SLC35F4: variants seen among roughly 807,000 people sequenced by gnomAD.
SLC35F4 encodes chromosome 14 open reading frame 36.
Under a neutral mutation model 44.2 loss-of-function variants are expected in SLC35F4, and 24 were observed. The ratio of observed to expected loss-of-function variants is 0.54; its 90% CI spans 0.39 to 0.76. SLC35F4 has a LOEUF of 0.76. Among genes scored for constraint, SLC35F4 ranks in the 30% least tolerant of loss-of-function variants. The pLI, the probability that SLC35F4 is intolerant of heterozygous loss-of-function variation, is 0.00. For missense variants in SLC35F4, 562 were observed against 586.1 expected, an observed-to-expected ratio of 0.96 and a Z score of 0.42; for synonymous variants, 238 against 223.6, an observed-to-expected ratio of 1.06 and a Z score of -0.57.
intron 1 of SLC35F4, among the ~76,000 whole-genome samples, chr14:57,947,689 A>T (rs1164099241): frequency 6.6e-6 from 1 of 151,956 alleles, no homozygotes; most frequent in Admixed American, 6.6e-5. Flanking sequence ...TATTACCTTG[A>T]TATATGTCCC....
chr14:57,914,741 C>A (rs1889283800), intron 1 of SLC35F4, among the ~76,000 whole-genome samples: 1 of 152,222 alleles, frequency 6.6e-6, no homozygotes, highest in Non-Finnish European at 1.5e-5. Context: ...CCATGTCCCA[C>A]ATCTTGGATA....
chr14:57,751,736 A>T (rs559904580), intron 1 of SLC35F4, among the ~76,000 whole-genome samples: 102 of 152,314 alleles, frequency 6.7e-4, no homozygotes, highest in African/African-American at 2.3e-3. Context: ...TAGTTCTCAA[A>T]AATTATGGTG....
chr14:57,608,542 T>C (rs567370990), intron 1 of SLC35F4, among the ~76,000 whole-genome samples: 3 of 152,238 alleles, frequency 2.0e-5, no homozygotes, highest in Non-Finnish European at 2.9e-5. Context: ...AGCAACCCTG[T>C]GGATACCTTG....
chr14:57,806,231 G>A (rs570072193), intron 1 of SLC35F4, among the ~76,000 whole-genome samples: 4 of 152,194 alleles, frequency 2.6e-5, no homozygotes, highest in Non-Finnish European at 4.4e-5. Context: ...TATTAGCAAC[G>A]ACACAAATGT....
In SLC35F4 at chr14:57,703,248, A is replaced by G. The variant is rs577278441; in HGVS notation, c.104-109124T>C. Among the ~76,000 whole-genome samples the G allele has an allele frequency of 6.6e-5, 10 of 152,276 alleles. No homozygotes were observed. The South Asian group carries it at 2.1e-3, about 32-fold the overall frequency. ...AAGCAGAGTAACTGGCATGTAATAC[A>G]TGCTTGAATGTCTGTTCCCTCCATC... On this transcript the variant is annotated intron_variant, in intron 1 of 7. Coordinates refer to ENST00000556826, the MANE Select transcript of SLC35F4 (RefSeq NM_001306087.2).
At chr14:57,866,957 AAATAAT>A (rs4035380), upstream of SLC35F4, among the ~76,000 whole-genome samples, 5,908 of 136,008 alleles carry the variant, frequency 0.043, 187 homozygotes, top group African/African-American at 0.085. Flanking sequence ...AGCTTCCTGC[AAATAAT>A]AATAATAATA....
At chr14:57,614,954 A>C (rs1425132831) in intron 1 of SLC35F4, among the ~76,000 whole-genome samples, 1 of 152,214 alleles carries the variant, frequency 6.6e-6, no homozygotes, top group African/African-American at 2.4e-5. Context: ...TGGGACCAGA[A>C]ATTCTATGAA....
chr14:57,590,840 C>G (rs1407923250), intron 2 of SLC35F4, among the ~76,000 whole-genome samples: 1 of 152,208 alleles, frequency 6.6e-6, no homozygotes, highest in East Asian at 1.9e-4. Context: ...CACTTTGTGT[C>G]TCCAGAGCCT....
chr14:57,857,813 A>C (rs1482123485), intron 1 of SLC35F4, among the ~76,000 whole-genome samples: 1 of 152,042 alleles, frequency 6.6e-6, no homozygotes, highest in African/African-American at 2.4e-5. Context: ...TCTAAAGATA[A>C]ATAGGAGCTT....
intron 1 of SLC35F4, among the ~76,000 whole-genome samples, chr14:57,709,310 G>C (rs1368697071): frequency 6.6e-6 from 1 of 152,120 alleles, no homozygotes; most frequent in African/African-American, 2.4e-5. Context: ...GAGCCCTCTG[G>C]TGGCACTGTC....
At chr14:57,744,824 T>C (rs1410949896) in intron 1 of SLC35F4, among the ~76,000 whole-genome samples, 2 of 152,206 alleles carry the variant, frequency 1.3e-5, no homozygotes, top group African/African-American at 4.8e-5. Context: ...GGCATCATGC[T>C]ACCTGACTTC....
chr14:57,709,011 G>T (rs2075749127), intron 1 of SLC35F4, among the ~76,000 whole-genome samples: 1 of 152,180 alleles, frequency 6.6e-6, no homozygotes, highest in Admixed American at 6.5e-5. Flanking sequence ...GCAGAGCCAG[G>T]TGTATAGGAT....
At chr14:57,606,292 C>A (rs189958080) in intron 1 of SLC35F4, among the ~76,000 whole-genome samples, 10 of 152,206 alleles carry the variant, frequency 6.6e-5, no homozygotes, top group African/African-American at 2.2e-4. Flanking sequence ...ATTAAGACTG[C>A]AAGACTACTT....
chr14:57,913,399 ATTATT>A (rs1473507153), intron 1 of SLC35F4, among the ~76,000 whole-genome samples: 9 of 151,882 alleles, frequency 5.9e-5, no homozygotes, highest in Admixed American at 3.3e-4. Context: ...AGCATTTTAT[ATTATT>A]TTATTTCCGC....
chr14:57,637,897 C>A (rs2073076453), intron 1 of SLC35F4, among the ~76,000 whole-genome samples: 1 of 152,028 alleles, frequency 6.6e-6, no homozygotes, highest in Non-Finnish European at 1.5e-5. Context: ...AGACACACTT[C>A]TTTAGACCCC....
intron 1 of SLC35F4, among the ~76,000 whole-genome samples, chr14:57,720,638 G>T (rs928812117): frequency 6.6e-6 from 1 of 152,038 alleles, no homozygotes; most frequent in African/African-American, 2.4e-5. Flanking sequence ...TTGGATTGAA[G>T]GAGGCAAAGT....
chr14:57,898,306 A>T (rs1436692885), intron 1 of SLC35F4, among the ~76,000 whole-genome samples: 1 of 152,264 alleles, frequency 6.6e-6, no homozygotes, highest in Non-Finnish European at 1.5e-5. Context: ...CTATGGCACC[A>T]CATCAGTGTG....
intron 1 of SLC35F4, among the ~76,000 whole-genome samples, chr14:57,887,451 G>A (rs1888673597): frequency 6.6e-6 from 1 of 152,214 alleles, no homozygotes; most frequent in Admixed American, 6.5e-5. Flanking sequence ...TAAACGGGAT[G>A]TTACTCCATT....
At chr14:57,583,278 A>ACTTAT (rs1377804240) in intron 3 of SLC35F4, among the ~76,000 whole-genome samples, 11 of 152,222 alleles carry the variant, frequency 7.2e-5, no homozygotes, top group Non-Finnish European at 1.6e-4. Flanking sequence ...CATTTTCTGT[A>ACTTAT]CTTATAAGGC....
Sources: allele counts gnomAD v4.1 joint callset (sites outside exome capture counted in the v4.1 genomes callset), GRCh38; gene constraint gnomAD v4.1.1; transcripts MANE v1.5; gene names NCBI Gene and HGNC (gene_info 2026-07-23, HGNC 2026-07-21).